Variants in PPEF2 observed in about 807,000 individuals in gnomAD.
PPEF2 encodes the protein protein phosphatase with EF-hand domain 2, also known as serine/threonine-protein phosphatase with EF-hands 2.
In PPEF2, 84 loss-of-function variants were observed where a neutral mutation model predicts 84.7. The observed-to-expected ratio is 0.99, with a 90% CI of 0.83 to 1.19. The LOEUF is 1.19. Ranked by LOEUF, PPEF2 falls within the 50% of genes most tolerant of loss-of-function variation. The probability of loss-of-function intolerance (pLI) is 0.00; values close to 1 mark genes in which losing one functional copy is unlikely to be tolerated. For synonymous variants in PPEF2, 346 were observed against 345.2 expected, an observed-to-expected ratio of 1.00 and a Z score of -0.03; for missense variants, 924 against 937.5, an observed-to-expected ratio of 0.99 and a Z score of 0.19.
In PPEF2 at chr4:75,867,973, C is replaced by T. The variant is rs192263208; in HGVS notation, c.1650-554G>A. Among the ~76,000 whole-genome samples, 5 of 151,796 alleles carry T rather than the reference C, an allele frequency of 3.3e-5. No individual in the cohort carries two copies. In the East Asian group the frequency reaches 9.7e-4, roughly 29 times the overall value. ...AGTAATGCTGGGCACAGTACTTGGC[C>T]CAAAGTAAGTGCTCAATAAATATCT... is the stretch of plus-strand genomic sequence containing the variant. On this transcript the variant is annotated intron_variant, in intron 13 of 16. Transcript: ENST00000286719.
chr4:75,900,271 AAT>A (rs1365637768), intron 1 of PPEF2, among the ~76,000 whole-genome samples: 1 of 152,200 alleles, frequency 6.6e-6, no homozygotes, highest in Non-Finnish European at 1.5e-5. Context: ...TAAATTCAAA[AAT>A]GGTGGCAGAA....
At chr4:75,861,812 T>A (rs1225211831) in intron 16 of PPEF2, among the ~76,000 whole-genome samples, 1 of 141,688 alleles carries the variant, frequency 7.1e-6, no homozygotes, top group Non-Finnish European at 1.5e-5. Flanking sequence ...GGTTTCACCA[T>A]GTTAGCCAGG....
intron 4 of PPEF2, among the ~76,000 whole-genome samples, chr4:75,891,168 G>A (rs59427215): frequency 0.055 from 8,216 of 148,392 alleles, 617 homozygotes; most frequent in African/African-American, 0.18. Flanking sequence ...GTCACAGAAC[G>A]AGACTCTGTC....
At chr4:75,871,502 G>T (rs1248990798) in intron 13 of PPEF2, among the ~76,000 whole-genome samples, 1 of 152,068 alleles carries the variant, frequency 6.6e-6, no homozygotes, top group African/African-American at 2.4e-5. Flanking sequence ...AGACAGCCTT[G>T]CTCTGTCACC....
chr4:75,872,070 T>C lies in PPEF2; in HGVS notation c.1604A>G (p.Gln535Arg). The C allele has an allele frequency of 6.2e-7, 1 of 1,613,996 alleles. No individual in the cohort carries two copies. The highest frequency in any genetic ancestry group is 8.5e-7 in the Non-Finnish European group (1 of 1,179,896). Residue 535 changes from glutamine (Q) to arginine (R), a missense_variant, in exon 13 of 17, where the codon CAG (glutamine) becomes CGG (arginine). Physicochemically the swap from Gln to Arg is conservative, Grantham distance 43. Transcript: ENST00000286719. Reference sequence around the variant, plus strand: ...GTGGGTCACCTTGTTAGCTTGATACTGCACAATATGTGGGGTCAGGGCTGG... The same window carrying C: ...GTGGGTCACCTTGTTAGCTTGATACCGCACAATATGTGGGGTCAGGGCTGG... ...LGPALTPHIV[Q>R]YQANKVTHTL...
Position 75,884,645 on chromosome 4 carries a change from T to C in PPEF2, c.695A>G (p.Lys232Arg), listed in dbSNP as rs1218229194. 6.8e-6 allele frequency: 11 copies of C among 1,613,636 alleles called. No homozygotes were observed. The South Asian group carries it at 9.9e-5, about 15-fold the overall frequency. The change falls in exon 8 of 17, where the codon AAA (lysine) becomes AGA (arginine). Residue 232 changes from lysine to arginine, a missense_variant. Coordinates refer to ENST00000286719, the MANE Select transcript of PPEF2 (RefSeq NM_006239.3). ...GTTTCCTCTGTTAAGATGGAACTCT[T>C]TGGGGTAAACCAGCATGAAGGCAAA... is the stretch of plus-strand genomic sequence containing the variant. Reference protein sequence around the residue: ...ILFAFMLVYPKEFHLNRGNHE... With the variant: ...ILFAFMLVYPREFHLNRGNHE...
At chr4:75,897,701 G>C (rs1469979432) in intron 1 of PPEF2, among the ~76,000 whole-genome samples, 1 of 152,142 alleles carries the variant, frequency 6.6e-6, no homozygotes, top group Non-Finnish European at 1.5e-5. Context: ...CTTGAACCTG[G>C]GAGGCAGAGG....
chr4:75,872,340 G>A (rs2149216861), intron 12 of PPEF2, among the ~76,000 whole-genome samples, 173 bp from the exon 13 acceptor site: 1 of 152,112 alleles, frequency 6.6e-6, no homozygotes. Flanking sequence ...ATGCTAATAG[G>A]GCAAGAGTTG....
At chr4:75,876,167 G>T in intron 11 of PPEF2, 120 bp downstream of exon 11, 1 of 1,157,540 alleles carries the variant, frequency 8.6e-7, no homozygotes, top group Non-Finnish European at 1.2e-6. Context: ...GTCCTTCTGG[G>T]GTGTTGTTAC....
chr4:75,871,440 C>T (rs1486772889), intron 13 of PPEF2, among the ~76,000 whole-genome samples: 1 of 152,000 alleles, frequency 6.6e-6, no homozygotes, highest in Non-Finnish European at 1.5e-5. Flanking sequence ...ACCCAAGACG[C>T]AGCCATGGAG....
In PPEF2 at chr4:75,874,902, C is replaced by CTTTTT. The variant is rs547098807; in HGVS notation, c.1320+1380_1320+1384dup. Reference sequence around the variant, plus strand: ...TAAATAATTCTGAATTTCTTTCTTTCTTTTTTTTTTTTTTTTTGAGACGGA... The same window carrying CTTTTT: ...TAAATAATTCTGAATTTCTTTCTTTCTTTTTTTTTTTTTTTTTTTTTTGAGACGGA... On this transcript the variant is annotated intron_variant, in intron 11 of 16. Coordinates refer to ENST00000286719, the MANE Select transcript of PPEF2 (RefSeq NM_006239.3). Among the ~76,000 whole-genome samples, 64 of 138,084 alleles carry CTTTTT rather than the reference C, an allele frequency of 4.6e-4. 1 individual carries two copies. The highest frequency in any genetic ancestry group is 1.4e-3 in the African/African-American group (51 of 36,756). 90.6% of individuals were successfully genotyped at this position (138,084 alleles called of 152,430 possible). A position where few individuals can be genotyped will look rare whatever the true frequency, so the allele number is the denominator to read the frequency against.
chr4:75,870,899 A>ATTTATTTATTTT (rs1724254200), intron 13 of PPEF2, among the ~76,000 whole-genome samples: 1 of 150,700 alleles, frequency 6.6e-6, no homozygotes, highest in African/African-American at 2.4e-5. Context: ...TTATTTATTT[A>ATTTATTTATTTT]TTTATTTTTA....
intron 16 of PPEF2, among the ~76,000 whole-genome samples, chr4:75,863,353 A>T (rs1724051205): frequency 7.4e-6 from 1 of 136,000 alleles, no homozygotes; most frequent in African/African-American, 2.7e-5. Context: ...AAAAAAAAAT[A>T]GCCAGGTGTG....
rs1553909049 is a variant in PPEF2, at chr4:75,891,653, T to C, written c.236A>G (p.Asn79Ser). ...LMDHFIPSSH[N>S]DRDFLTRIFT... ...ATGTGGCAGTTCATACTCACTGTCG[T>C]TGTGGCTGCTGGGGATGAAGTGATC... Residue 79 changes from asparagine (N) to serine (S), a missense_variant, in exon 4 of 17, where the codon AAC becomes AGC. Coordinates refer to ENST00000286719, the MANE Select transcript of PPEF2 (RefSeq NM_006239.3). The C allele has an allele frequency of 6.2e-7, 1 of 1,609,350 alleles. No individual in the cohort carries two copies.
chr4:75,897,825 G>A (rs970677272), intron 1 of PPEF2, among the ~76,000 whole-genome samples: 25 of 152,106 alleles, frequency 1.6e-4, no homozygotes, highest in Admixed American at 2.0e-4. Context: ...CGTCTGCCGA[G>A]ACCAGCTCAG....
rs914300647 is a variant in PPEF2, at chr4:75,862,724, T to G, written c.2008+1716A>C. 8.5e-5 allele frequency among the ~76,000 whole-genome samples: 13 copies of G among 152,310 alleles called. No individual in the cohort carries two copies. The East Asian group carries it at 2.5e-3, about 29-fold the overall frequency. ...TGGCAATATAAATATGTACAGCTAC[T>G]GTGAGAAATGATTTGGTAATTCCTC... On this transcript the variant is annotated intron_variant, in intron 16 of 16. Coordinates refer to ENST00000286719, the MANE Select transcript of PPEF2 (RefSeq NM_006239.3).
intron 11 of PPEF2, among the ~76,000 whole-genome samples, chr4:75,874,702 A>G (rs1291364343): frequency 6.6e-6 from 1 of 152,184 alleles, no homozygotes; most frequent in East Asian, 1.9e-4. Context: ...GGAAAGACCT[A>G]TACTTTATAA....
rs1341248097 is a variant in PPEF2 at position 75,873,302 on chromosome 4, A to G, written c.1331T>C (p.Ile444Thr). The G allele has an allele frequency of 1.2e-6, 2 of 1,611,756 alleles. No homozygotes were observed. Among genetic ancestry groups the G allele is most frequent in the African/African-American group, 1.3e-5 (1 of 74,964 alleles). Residue 444 changes from isoleucine (I) to threonine (T), a missense_variant, in exon 12 of 17, where the codon ATC becomes ACC. By Grantham distance (89) the Ile-to-Thr change is moderately conservative. Transcript: ENST00000286719. ...TTGAGCCATGGGATCACTCCACAGG[A>G]TATCTACAACCTGAGAAGACCAAGA... The part of the protein sequence containing the change: ...TQEEWRQVVD[I>T]LWSDPMAQEG...
chr4:75,860,628 G>A lies in PPEF2; in HGVS notation c.*39C>T. 1 of 1,608,388 alleles carries A rather than the reference G, an allele frequency of 6.2e-7. No homozygotes were observed. Among genetic ancestry groups the A allele is most frequent in the African/African-American group, 1.3e-5 (1 of 74,896 alleles). On this transcript the variant is annotated 3_prime_UTR_variant, in exon 17 of 17. Transcript: ENST00000286719. ...ATAGTCTAGTGAGAAGCTGAGCATT[G>A]CCTATGAGGCACTTTGGGTGATGAA... is the stretch of plus-strand genomic sequence containing the variant.
Sources: gnomAD v4.1 joint callset for allele counts (sites outside exome capture counted in the v4.1 genomes callset) on GRCh38, gnomAD v4.1.1 for gene constraint, MANE v1.5 for transcripts, NCBI Gene and HGNC (gene_info 2026-07-23, HGNC 2026-07-21) for gene names.